Variants in TENM2 observed in about 807,000 individuals in gnomAD.
TENM2 encodes the protein teneurin-2.
A neutral mutation model predicts 245.2 loss-of-function variants in TENM2; 52 were observed. That is an observed-to-expected ratio of 0.21 (90% CI 0.17 to 0.27). The LOEUF (loss-of-function observed/expected upper bound fraction) is 0.27. Ranked by LOEUF, TENM2 falls within the 10% of genes least tolerant of loss-of-function variation. The pLI, the probability that TENM2 is intolerant of heterozygous loss-of-function variation, is 1.00. For synonymous variants in TENM2, 1,363 were observed against 1,438.9 expected (o/e 0.95, Z 1.19); for missense variants, 3,046 against 3,666.8 (o/e 0.83, Z 4.37).
chr5:167,401,152 T>G (rs1762347472), intron 2 of TENM2, among the ~76,000 whole-genome samples: 1 of 152,108 alleles, frequency 6.6e-6, no homozygotes, highest in African/African-American at 2.4e-5. Context: ...AAATAAAAGC[T>G]GAGCGAACAC....
chr5:167,019,405 C>G, the TENM2 span, among the ~76,000 whole-genome samples: 1 of 152,120 alleles, frequency 6.6e-6, no homozygotes, highest in Non-Finnish European at 1.5e-5. Flanking sequence ...CTCAGCTTGG[C>G]AATTTGGACC....
At chr5:168,182,825 CTTTTT>C (rs149579948) in intron 13 of TENM2, among the ~76,000 whole-genome samples, 2 of 100,682 alleles carry the variant, frequency 2.0e-5, no homozygotes, top group Middle Eastern at 6.3e-3. Flanking sequence ...TCAGGGTGCT[CTTTTT>C]TTTTTTTTTT....
At chr5:167,859,348 G>A (rs1263537296) in intron 2 of TENM2, among the ~76,000 whole-genome samples, 71 of 138,436 alleles carry the variant, frequency 5.1e-4, no homozygotes, top group Middle Eastern at 3.7e-3. Flanking sequence ...GAGCGTCTCC[G>A]CCCGGCAGCC....
At chr5:167,700,563 G>A (rs1758070560) in intron 2 of TENM2, among the ~76,000 whole-genome samples, 1 of 152,154 alleles carries the variant, frequency 6.6e-6, no homozygotes, top group Admixed American at 6.5e-5. Flanking sequence ...GCTGGGATTG[G>A]AACCCAGAAC....
chr5:167,904,416 T>A (rs1775933775), intron 3 of TENM2, among the ~76,000 whole-genome samples: 1 of 152,220 alleles, frequency 6.6e-6, no homozygotes, highest in South Asian at 2.1e-4. Context: ...TTGATGTGTG[T>A]GTTAATTAAG....
intron 2 of TENM2, among the ~76,000 whole-genome samples, chr5:167,445,332 T>TAGGGAGAGAGAG (rs71591182): frequency 3.1e-4 from 24 of 77,038 alleles, no homozygotes; most frequent in East Asian, 1.2e-3. Flanking sequence ...TATATATATA[T>TAGGGAGAGAGAG]ATATAGAGAG....
chr5:167,932,032 T>C (rs1267888639), intron 3 of TENM2, among the ~76,000 whole-genome samples: 2 of 152,130 alleles, frequency 1.3e-5, no homozygotes, highest in East Asian at 1.9e-4. Context: ...AAAAAAGATA[T>C]GTTTGCTGAT....
At chr5:167,518,203 C>T (rs1047083764) in intron 2 of TENM2, among the ~76,000 whole-genome samples, 2 of 152,014 alleles carry the variant, frequency 1.3e-5, no homozygotes, top group Non-Finnish European at 2.9e-5. Flanking sequence ...TTGTCATCCT[C>T]TTCTATCCCT....
intron 3 of TENM2, among the ~76,000 whole-genome samples, chr5:167,933,052 C>G (rs534715264): frequency 6.6e-6 from 1 of 152,268 alleles, no homozygotes; most frequent in East Asian, 1.9e-4. Context: ...CCTGGGAAAA[C>G]AAGGTCATGT....
At chr5:167,900,873 T>G (rs1216499772) in intron 3 of TENM2, among the ~76,000 whole-genome samples, 1 of 148,424 alleles carries the variant, frequency 6.7e-6, no homozygotes, top group African/African-American at 2.5e-5. Flanking sequence ...GAGACAGCAG[T>G]GACCACCTGG....
At chr5:167,656,889 A>G (rs1048072680) in intron 2 of TENM2, among the ~76,000 whole-genome samples, 1 of 151,700 alleles carries the variant, frequency 6.6e-6, no homozygotes, top group Non-Finnish European at 1.5e-5. Flanking sequence ...GACACATGTA[A>G]TGTATAGTGA....
intron 2 of TENM2, among the ~76,000 whole-genome samples, chr5:167,812,588 G>A (rs567177915): frequency 2.0e-4 from 30 of 152,316 alleles, no homozygotes; most frequent in African/African-American, 6.7e-4. Flanking sequence ...TCTTAGAGTT[G>A]CATTCTTTAA....
the TENM2 span, among the ~76,000 whole-genome samples, chr5:167,256,053 C>T: frequency 6.6e-6 from 1 of 152,160 alleles, no homozygotes; most frequent in East Asian, 1.9e-4. Context: ...CTCTTTATTC[C>T]CGTTCATTAT....
chr5:167,179,862 T>C, the TENM2 span, among the ~76,000 whole-genome samples: 1 of 152,150 alleles, frequency 6.6e-6, no homozygotes, highest in Non-Finnish European at 1.5e-5. Context: ...TGATATTAGC[T>C]GCATGTGCAA....
At chr5:167,177,734 T>G in the TENM2 span, among the ~76,000 whole-genome samples, 1 of 152,124 alleles carries the variant, frequency 6.6e-6, no homozygotes, top group Non-Finnish European at 1.5e-5. Flanking sequence ...TGAAAGATAA[T>G]AGGAACACGG....
chr5:167,546,110 C>T (rs1054181893), intron 2 of TENM2, among the ~76,000 whole-genome samples: 1 of 152,224 alleles, frequency 6.6e-6, no homozygotes. Flanking sequence ...AATTAAATAA[C>T]TTCTCCAAAT....
At chr5:167,859,161 G>T (rs1269621923) in intron 2 of TENM2, among the ~76,000 whole-genome samples, 1 of 77,326 alleles carries the variant, frequency 1.3e-5, no homozygotes, top group Admixed American at 1.2e-4. Context: ...GCCCGGCCGA[G>T]ACCCCGTCTG....
intron 11 of TENM2, among the ~76,000 whole-genome samples, chr5:168,126,126 G>T (rs966857436): frequency 3.3e-5 from 5 of 152,214 alleles, no homozygotes; most frequent in African/African-American, 1.2e-4. Context: ...CTTTGAGAAA[G>T]AAGCTGTGTA....
intron 2 of TENM2, among the ~76,000 whole-genome samples, chr5:167,455,935 G>A (rs1332704262): frequency 6.6e-6 from 1 of 151,980 alleles, no homozygotes; most frequent in Non-Finnish European, 1.5e-5. Flanking sequence ...ATGATGAGAG[G>A]GCACCAATTT....
Sources: gnomAD v4.1 joint callset for allele counts (sites outside exome capture counted in the v4.1 genomes callset) on GRCh38, gnomAD v4.1.1 for gene constraint, MANE v1.5 for transcripts, NCBI Gene and HGNC (gene_info 2026-07-23, HGNC 2026-07-21) for gene names.